Variants in TSPAN12 observed in about 807,000 individuals in gnomAD.
TSPAN12 encodes the protein tetraspanin 12, also known as tetraspanin-12.
TSPAN12 carries 19 observed loss-of-function variants against 39.2 expected under a neutral mutation model. That is an observed-to-expected ratio of 0.49 (90% CI 0.34 to 0.71). The LOEUF is 0.71. TSPAN12 is among the 30% of genes least tolerant of loss of function. The probability of loss-of-function intolerance (pLI) is 0.01; values close to 1 mark genes in which losing one functional copy is unlikely to be tolerated. For synonymous variants in TSPAN12, 119 were observed against 124.8 expected (o/e 0.95, Z 0.31); for missense variants, 314 against 359.9 (o/e 0.87, Z 1.03).
Position 120,838,654 on chromosome 7 carries a change from C to T in TSPAN12, c.285+123G>A, listed in dbSNP as rs192515051. The T allele has an allele frequency of 8.4e-4, 828 of 987,152 alleles. 2 individuals carry two copies. Among genetic ancestry groups the T allele is most frequent in the Non-Finnish European group, 1.2e-3 (782 of 646,140 alleles). The allele number at this position is 987,152 out of a possible 1,614,324, so 61.1% of individuals were successfully genotyped here. A position where few individuals can be genotyped will look rare whatever the true frequency, so the allele number is the denominator to read the frequency against. ...CAAATAATCTCTTGTGAAACGAAAG[C>T]GTCCCTTCTTACAGGATGTTGTTAC... On this transcript the variant is annotated intron_variant, in intron 4 of 7. Transcript: ENST00000222747.
intron 7 of TSPAN12, among the ~76,000 whole-genome samples, chr7:120,795,829 T>TA (rs1562936813): frequency 6.6e-6 from 1 of 152,106 alleles, no homozygotes; most frequent in Non-Finnish European, 1.5e-5. Context: ...ATGCTTCCTT[T>TA]AAAAAAAGCA....
chr7:120,788,417 G>T lies in TSPAN12; in HGVS notation c.*175C>A. ...GGGCATCAATTATTGTCCAGGTGGTGACTTATGACATGAAACTTTTCCATC... is the reference window on the plus strand; with the variant it reads ...GGGCATCAATTATTGTCCAGGTGGTTACTTATGACATGAAACTTTTCCATC... On this transcript the variant is annotated 3_prime_UTR_variant, in exon 8 of 8. Coordinates refer to ENST00000222747, the MANE Select transcript of TSPAN12 (RefSeq NM_012338.4). The T allele has an allele frequency of 1.4e-6, 1 of 727,292 alleles. No homozygotes were observed. 45.1% of individuals were successfully genotyped at this position (727,292 alleles called of 1,614,324 possible).
chr7:120,829,739 C>T (rs1794356389), intron 4 of TSPAN12, among the ~76,000 whole-genome samples: 1 of 152,104 alleles, frequency 6.6e-6, no homozygotes, highest in African/African-American at 2.4e-5. Flanking sequence ...GAACTTTGCA[C>T]AAACTCAGGA....
chr7:120,852,526 C>T (rs1467692695), intron 2 of TSPAN12, among the ~76,000 whole-genome samples: 1 of 152,214 alleles, frequency 6.6e-6, no homozygotes, highest in East Asian at 1.9e-4. Context: ...ATTGGCATCA[C>T]AGAGGAGCTT....
chr7:120,810,387 G>T, intron 6 of TSPAN12, 76 bp downstream of exon 6: 2 of 952,536 alleles, frequency 2.1e-6, no homozygotes, highest in Non-Finnish European at 3.4e-6. Flanking sequence ...AATTACCAAA[G>T]CTAAAGCTTT....
At chr7:120,806,779 T>A in intron 6 of TSPAN12, 87 bp from the exon 7 acceptor site, 1 of 1,544,898 alleles carries the variant, frequency 6.5e-7, no homozygotes, top group Admixed American at 1.8e-5. Context: ...TTTTAAAATT[T>A]TTGTACCCAG....
chr7:120,838,268 C>A (rs1794514848), intron 4 of TSPAN12, among the ~76,000 whole-genome samples: 1 of 152,108 alleles, frequency 6.6e-6, no homozygotes, highest in Admixed American at 6.5e-5. Flanking sequence ...TTAAAAAGTA[C>A]CTAGTGCAAC....
In TSPAN12 at chr7:120,803,679, A is replaced by G. The variant is rs577682017; in HGVS notation, c.612+2870T>C. Among the ~76,000 whole-genome samples, 4 of 152,314 alleles carry G rather than the reference A, an allele frequency of 2.6e-5. No individual in the cohort carries two copies. The South Asian group carries it at 8.3e-4, about 32-fold the overall frequency. On this transcript the variant is annotated intron_variant, in intron 7 of 7. Coordinates refer to ENST00000222747, the MANE Select transcript of TSPAN12 (RefSeq NM_012338.4). ...GAAGTCTGTGTCTAAAGAACATCTCATGGCTGACAATGCCAGCTTGCTATT... is the reference window on the plus strand; with the variant it reads ...GAAGTCTGTGTCTAAAGAACATCTCGTGGCTGACAATGCCAGCTTGCTATT...
At chr7:120,816,438 A>G (rs566357776) in intron 4 of TSPAN12, among the ~76,000 whole-genome samples, 2 of 152,272 alleles carry the variant, frequency 1.3e-5, no homozygotes, top group African/African-American at 2.4e-5. Context: ...CCTATGAAAT[A>G]GAGAAATATG....
At chr7:120,840,947 T>A (rs1338546341) in intron 2 of TSPAN12, among the ~76,000 whole-genome samples, 1 of 152,216 alleles carries the variant, frequency 6.6e-6, no homozygotes, top group African/African-American at 2.4e-5. Flanking sequence ...GTCTGTACAT[T>A]TGAATCATTT....
intron 4 of TSPAN12, among the ~76,000 whole-genome samples, chr7:120,829,207 G>A (rs1794344343): frequency 1.3e-5 from 2 of 152,028 alleles, no homozygotes; most frequent in Admixed American, 6.6e-5. Context: ...ATCTTAGCCT[G>A]AGCATGTAAC....
At chr7:120,794,354 G>A (rs1793590094) in intron 7 of TSPAN12, among the ~76,000 whole-genome samples, 1 of 152,200 alleles carries the variant, frequency 6.6e-6, no homozygotes. Flanking sequence ...AATCCACAGT[G>A]TTGGAAGTAA....
chr7:120,839,682 T>C (rs1794542040), intron 3 of TSPAN12, among the ~76,000 whole-genome samples: 1 of 152,104 alleles, frequency 6.6e-6, no homozygotes, highest in Non-Finnish European at 1.5e-5. Flanking sequence ...AACCCAAGAA[T>C]ATGAAGGTAA....
At chr7:120,843,634 T>G (rs1794618298) in intron 2 of TSPAN12, among the ~76,000 whole-genome samples, 1 of 152,208 alleles carries the variant, frequency 6.6e-6, no homozygotes, top group Admixed American at 6.5e-5. Context: ...TGACTGACCC[T>G]AGTGTTTCCC....
intron 1 of TSPAN12, 109 bp from the exon 2 acceptor site, chr7:120,856,942 C>T: frequency 1.5e-6 from 1 of 681,988 alleles, no homozygotes; most frequent in South Asian, 1.6e-5. Flanking sequence ...GGTCCCGAGG[C>T]CCAGTGCATT....
chr7:120,827,821 G>A (rs1327237168), intron 4 of TSPAN12, among the ~76,000 whole-genome samples: 1 of 152,174 alleles, frequency 6.6e-6, no homozygotes, highest in Admixed American at 6.5e-5. Context: ...ACTGACACTA[G>A]TTGTTTAAGA....
At chr7:120,790,404 C>T (rs1448603497) in intron 7 of TSPAN12, among the ~76,000 whole-genome samples, 2 of 152,210 alleles carry the variant, frequency 1.3e-5, no homozygotes, top group Non-Finnish European at 2.9e-5. Flanking sequence ...AATGCACAGA[C>T]ACATTTTAAC....
Position 120,788,810 on chromosome 7 carries a change from G to C in TSPAN12, c.700C>G (p.Gln234Glu). 6.2e-7 allele frequency: 1 copy of C among 1,614,128 alleles called. No individual in the cohort carries two copies. Among genetic ancestry groups the C allele is most frequent in the Non-Finnish European group, 8.5e-7 (1 of 1,180,008 alleles). The part of the protein sequence containing the change: ...RFLGISIGVT[Q>E]ILAMILTITL... ...ATGGTGAGAATCATGGCCAGGATTTGTGTCACCCCAATGGAGATTCCCAGA... is the reference window on the plus strand; with the variant it reads ...ATGGTGAGAATCATGGCCAGGATTTCTGTCACCCCAATGGAGATTCCCAGA... The change falls in exon 8 of 8, where the codon CAA becomes GAA. Residue 234 changes from glutamine (Q) to glutamate (E), a missense_variant. Gln to Glu is a conservative substitution (Grantham distance 29). Transcript: ENST00000222747.
intron 4 of TSPAN12, among the ~76,000 whole-genome samples, chr7:120,836,147 G>GAGGA (rs1319770553): frequency 2.0e-5 from 3 of 152,198 alleles, no homozygotes; most frequent in Non-Finnish European, 4.4e-5. Context: ...TCTGAACTGA[G>GAGGA]AGGAATAGGC....
Sources: gnomAD v4.1 joint callset for allele counts (sites outside exome capture counted in the v4.1 genomes callset) on GRCh38, gnomAD v4.1.1 for gene constraint, MANE v1.5 for transcripts, NCBI Gene and HGNC (gene_info 2026-07-23, HGNC 2026-07-21) for gene names.